ARHGAP26: variants seen among roughly 807,000 people sequenced by gnomAD.
ARHGAP26 encodes rho GTPase-activating protein 26.
In ARHGAP26, 38 loss-of-function variants were observed where a neutral mutation model predicts 104.8. The observed-to-expected ratio is 0.36, with a 90% CI of 0.28 to 0.48. The LOEUF (loss-of-function observed/expected upper bound fraction) is 0.48, where lower values mean the gene tolerates loss of function less well. ARHGAP26 is among the 20% of genes least tolerant of loss of function. The probability of loss-of-function intolerance (pLI) is 0.99; values close to 1 mark genes in which losing one functional copy is unlikely to be tolerated. For synonymous variants in ARHGAP26, 341 were observed against 340.0 expected (o/e 1.00, Z -0.03); for missense variants, 704 against 947.9 (o/e 0.74, Z 3.38).
intron 11 of ARHGAP26, 72 bp from the exon 12 acceptor site, chr5:143,014,008 A>G: frequency 6.8e-7 from 1 of 1,474,116 alleles, no homozygotes; most frequent in Non-Finnish European, 9.5e-7. Flanking sequence ...TGAGGAAGAT[A>G]ATGGTTTTCT....
chr5:142,808,237 A>G (rs405668), intron 1 of ARHGAP26, among the ~76,000 whole-genome samples: 4,526 of 9,794 alleles, frequency 0.46, 245 homozygotes, highest in East Asian at 0.58. Flanking sequence ...ATTGTCTCGG[A>G]AAAAAAAAAA....
chr5:142,842,298 T>G (rs1270989460), intron 1 of ARHGAP26, among the ~76,000 whole-genome samples: 1 of 152,240 alleles, frequency 6.6e-6, no homozygotes, highest in Non-Finnish European at 1.5e-5. Flanking sequence ...GGCATGTTTC[T>G]TGAAATTGTT....
chr5:142,971,258 A>AT (rs1323227631), intron 11 of ARHGAP26, among the ~76,000 whole-genome samples: 1 of 152,138 alleles, frequency 6.6e-6, no homozygotes, highest in Non-Finnish European at 1.5e-5. Context: ...TAAACCCTTG[A>AT]TTTGTTGGTG....
At chr5:142,985,813 A>G (rs1774629057) in intron 11 of ARHGAP26, among the ~76,000 whole-genome samples, 1 of 151,982 alleles carries the variant, frequency 6.6e-6, no homozygotes, top group African/African-American at 2.4e-5. Context: ...AGCTTCATCC[A>G]TGTCCCTACA....
intron 17 of ARHGAP26, chr5:143,103,288 G>A: frequency 1.0e-5 from 10 of 959,556 alleles, no homozygotes; most frequent in Non-Finnish European, 1.2e-5. Context: ...TAAAAGTCAG[G>A]AAACAACAGA....
At chr5:142,866,617 A>G (rs1172337660) in intron 1 of ARHGAP26, among the ~76,000 whole-genome samples, 1 of 152,208 alleles carries the variant, frequency 6.6e-6, no homozygotes, top group Non-Finnish European at 1.5e-5. Context: ...AAAGAGGAGC[A>G]CGTCTTTATT....
chr5:142,878,966 GTTTA>G (rs1051045889), intron 3 of ARHGAP26, among the ~76,000 whole-genome samples: 1 of 152,098 alleles, frequency 6.6e-6, no homozygotes, highest in Non-Finnish European at 1.5e-5. Flanking sequence ...GTGTTTCTTT[GTTTA>G]TTTGTTTTTA....
intron 20 of ARHGAP26, among the ~76,000 whole-genome samples, chr5:143,196,956 A>G (rs1011220894): frequency 6.6e-6 from 1 of 151,194 alleles, no homozygotes; most frequent in African/African-American, 2.5e-5. Flanking sequence ...ATATGGAAAT[A>G]ATGAGGATAG....
chr5:143,078,951 C>G (rs1283118334), intron 17 of ARHGAP26, among the ~76,000 whole-genome samples: 1 of 152,220 alleles, frequency 6.6e-6, no homozygotes, highest in Non-Finnish European at 1.5e-5. Flanking sequence ...AGACATGCAC[C>G]TGATATCTTG....
At chr5:143,202,599 A>C (rs1486920505) in intron 20 of ARHGAP26, 1 of 152,212 alleles carries the variant, frequency 6.6e-6, no homozygotes, top group Non-Finnish European at 1.5e-5. Flanking sequence ...ATGGAACCAA[A>C]AAAGAGCCCG....
chr5:142,793,022 C>T (rs252452), intron 1 of ARHGAP26, among the ~76,000 whole-genome samples: 35,484 of 151,968 alleles, frequency 0.23, 6,672 homozygotes, highest in African/African-American at 0.5. Context: ...GGTATTCCCC[C>T]TAGGCATCAG....
At chr5:142,991,099 G>A (rs746003799) in intron 11 of ARHGAP26, among the ~76,000 whole-genome samples, 3 of 152,130 alleles carry the variant, frequency 2.0e-5, no homozygotes, top group South Asian at 2.1e-4. Context: ...CTTGTGCTGC[G>A]GTGGGCTCCA....
chr5:143,058,542 A>C (rs964892926), intron 17 of ARHGAP26, among the ~76,000 whole-genome samples: 1 of 152,220 alleles, frequency 6.6e-6, no homozygotes, highest in African/African-American at 2.4e-5. Context: ...TATGTTCTTG[A>C]TTGCAGACTG....
At chr5:143,161,679 A>G (rs374038291) in intron 20 of ARHGAP26, among the ~76,000 whole-genome samples, 5 of 152,360 alleles carry the variant, frequency 3.3e-5, no homozygotes, top group East Asian at 1.9e-4. Context: ...CTGTAGGACA[A>G]TAAGATCACC....
At chr5:142,992,235 C>G (rs1465380251) in intron 11 of ARHGAP26, among the ~76,000 whole-genome samples, 2 of 151,748 alleles carry the variant, frequency 1.3e-5, no homozygotes, top group East Asian at 3.9e-4. Context: ...GAATGGATTC[C>G]CATAATAAGA....
At chr5:142,817,312 C>T (rs936980758) in intron 1 of ARHGAP26, among the ~76,000 whole-genome samples, 4 of 152,136 alleles carry the variant, frequency 2.6e-5, no homozygotes, top group Admixed American at 2.0e-4. Context: ...GGGACAGTGG[C>T]GAGTGCCACC....
intron 11 of ARHGAP26, among the ~76,000 whole-genome samples, chr5:142,958,716 C>G (rs1305508140): frequency 6.6e-6 from 1 of 151,868 alleles, no homozygotes; most frequent in Non-Finnish European, 1.5e-5. Context: ...CCTTCCTTAA[C>G]TATTGTGACC....
chr5:143,220,993 G>C (rs1811056388), intron 22 of ARHGAP26, among the ~76,000 whole-genome samples: 1 of 152,136 alleles, frequency 6.6e-6, no homozygotes, highest in Non-Finnish European at 1.5e-5. Flanking sequence ...AAGGGAATAG[G>C]GGAAAATCTA....
intron 10 of ARHGAP26, among the ~76,000 whole-genome samples, chr5:142,916,239 T>C (rs570618013): frequency 3.9e-5 from 6 of 152,368 alleles, no homozygotes; most frequent in African/African-American, 1.4e-4. Flanking sequence ...ATATGGGATA[T>C]TGTGGATTTT....
Sources: allele counts gnomAD v4.1 joint callset (sites outside exome capture counted in the v4.1 genomes callset), GRCh38; gene constraint gnomAD v4.1.1; transcripts MANE v1.5; gene names NCBI Gene and HGNC (gene_info 2026-07-23, HGNC 2026-07-21).